The following TOPAZ1 variants were observed in gnomAD, a reference collection of about 807,000 sequenced individuals.
TOPAZ1 encodes the protein protein TOPAZ1.
A neutral mutation model predicts 172.2 loss-of-function variants in TOPAZ1; 66 were observed. That is an observed-to-expected ratio of 0.38 (90% CI 0.31 to 0.47). TOPAZ1 has a LOEUF of 0.47. Ranked by LOEUF, TOPAZ1 falls within the 20% of genes least tolerant of loss-of-function variation. The probability of loss-of-function intolerance (pLI) is 0.99; values close to 1 mark genes in which losing one functional copy is unlikely to be tolerated. For synonymous variants in TOPAZ1, 681 were observed against 683.9 expected (o/e 1.00, Z 0.07); for missense variants, 1,822 against 1,972.4 (o/e 0.92, Z 1.44).
At position 44,275,364 on chromosome 3, in the gene TOPAZ1, T is replaced by C. The variant is rs114062752; in HGVS notation, c.3372+4554T>C. Among the ~76,000 whole-genome samples, 510 of 152,186 alleles carry C rather than the reference T, an allele frequency of 3.4e-3. 7 individuals are homozygous for C. The highest frequency in any genetic ancestry group is 0.012 in the African/African-American group (489 of 41,454). The stretch of plus-strand genomic sequence containing the variant: ...TCTTTTTCCCCCTCCTACCTACACA[T>C]TCTTCCCAGCCTCTGTTTCTATCAT... On this transcript the variant is annotated intron_variant, in intron 8 of 19. Coordinates refer to ENST00000309765, the MANE Select transcript of TOPAZ1 (RefSeq NM_001145030.2).
At chr3:44,242,578 C>G (rs910595651) in intron 1 of TOPAZ1, among the ~76,000 whole-genome samples, 179 bp downstream of exon 1, 12 of 152,108 alleles carry the variant, frequency 7.9e-5, no homozygotes, top group Admixed American at 3.9e-4. Context: ...AATCCTTGGT[C>G]AGAATTATGA....
At chr3:44,245,785 C>T (rs1033333756) in intron 2 of TOPAZ1, among the ~76,000 whole-genome samples, 1 of 152,022 alleles carries the variant, frequency 6.6e-6, no homozygotes, top group African/African-American at 2.4e-5. Flanking sequence ...GTGATCCACC[C>T]GCCTCAGCCT....
At chr3:44,325,315 T>A (rs1488622) in intron 18 of TOPAZ1, among the ~76,000 whole-genome samples, 70,258 of 152,034 alleles carry the variant, frequency 0.46, 17,452 homozygotes, top group East Asian at 0.81. Flanking sequence ...TGACTTTTTT[T>A]AAACTTTTTT....
Position 44,241,959 on chromosome 3 carries a change from G to T in TOPAZ1, c.-95G>T. 8.4e-7 allele frequency: 1 copy of T among 1,195,006 alleles called. No homozygotes were observed. Among genetic ancestry groups the T allele is most frequent in the Non-Finnish European group, 1.2e-6 (1 of 858,040 alleles). The allele number at this position is 1,195,006 out of a possible 1,614,324, so 74.0% of individuals were successfully genotyped here. The stretch of plus-strand genomic sequence containing the variant: ...ACTGGCGGTGTGGGGTGGGTCAGAG[G>T]GCAGTAGGTACCTCCAGGCGGGAGC... On this transcript the variant is annotated 5_prime_UTR_variant, in exon 1 of 20. Coordinates refer to ENST00000309765, the MANE Select transcript of TOPAZ1 (RefSeq NM_001145030.2).
intron 17 of TOPAZ1, among the ~76,000 whole-genome samples, chr3:44,322,334 G>T (rs1700546489): frequency 6.6e-6 from 1 of 152,154 alleles, no homozygotes; most frequent in Admixed American, 6.5e-5. Context: ...ATTAGGGGAT[G>T]ATTTGTTTTT....
intron 5 of TOPAZ1, among the ~76,000 whole-genome samples, chr3:44,264,991 C>T (rs1292397618): frequency 6.6e-6 from 1 of 152,156 alleles, no homozygotes; most frequent in Non-Finnish European, 1.5e-5. Flanking sequence ...AGTGTTTAAC[C>T]CCTGAAAGTC....
In TOPAZ1 at chr3:44,243,622, A is replaced by G; in HGVS notation, c.1116A>G (p.Ala372=). 2 of 1,550,286 alleles carry G rather than the reference A, an allele frequency of 1.3e-6. No individual in the cohort carries two copies. The highest frequency in any genetic ancestry group is 1.7e-6 in the Non-Finnish European group (2 of 1,146,968). The change falls in exon 2 of 20, where the codon GCA becomes GCG. Residue 372 remains alanine (A), a synonymous_variant. Coordinates refer to ENST00000309765, the MANE Select transcript of TOPAZ1 (RefSeq NM_001145030.2). ...AAATGATTGCTGATGGTAAAGAAGC[A>G]GAGACTAAAAGTCCTTTAAATGTTT... ...ENQMIADGKE[A]ETKSPLNVLR...
At chr3:44,328,893 T>C (rs1700632657) in intron 19 of TOPAZ1, among the ~76,000 whole-genome samples, 2 of 152,192 alleles carry the variant, frequency 1.3e-5, no homozygotes, top group Admixed American at 1.3e-4. Flanking sequence ...TGCATAAATA[T>C]TATAAAGTAG....
chr3:44,310,060 C>T, intron 16 of TOPAZ1, 70 bp downstream of exon 16: 1 of 1,365,954 alleles, frequency 7.3e-7, no homozygotes, highest in Non-Finnish European at 9.9e-7. Flanking sequence ...TATGTAATTA[C>T]CTTAAGTTGA....
intron 2 of TOPAZ1, among the ~76,000 whole-genome samples, chr3:44,247,480 C>T (rs1163696624): frequency 6.6e-6 from 1 of 152,102 alleles, no homozygotes; most frequent in Admixed American, 6.5e-5. Flanking sequence ...CACTTTTTCT[C>T]CTAATATAGC....
At chr3:44,285,959 A>G (rs866988420) in intron 9 of TOPAZ1, among the ~76,000 whole-genome samples, 22 of 151,932 alleles carry the variant, frequency 1.4e-4, no homozygotes, top group African/African-American at 4.1e-4. Context: ...CTATAATTCC[A>G]GCACTTTGGG....
chr3:44,258,159 T>C (rs1437899094), intron 4 of TOPAZ1, among the ~76,000 whole-genome samples: 1 of 152,236 alleles, frequency 6.6e-6, no homozygotes, highest in Non-Finnish European at 1.5e-5. Context: ...GAAACCATTA[T>C]TATTTTCTAA....
intron 18 of TOPAZ1, among the ~76,000 whole-genome samples, chr3:44,326,870 T>C (rs1700606474): frequency 6.6e-6 from 1 of 152,028 alleles, no homozygotes; most frequent in Non-Finnish European, 1.5e-5. Flanking sequence ...AAAAAAAAAA[T>C]CGTATTAGTA....
At position 44,305,234 on chromosome 3, in the gene TOPAZ1, A is replaced by C; in HGVS notation, c.3952A>C (p.Thr1318Pro). Residue 1318 changes from threonine to proline, a missense_variant, in exon 14 of 20, where the codon ACA becomes CCA. Thr to Pro is a conservative substitution (Grantham distance 38). Coordinates refer to ENST00000309765, the MANE Select transcript of TOPAZ1 (RefSeq NM_001145030.2). The part of the protein sequence containing the change: ...MGCEKFADFQ[T>P]FCACIAETLT... ...CTGTGAAAAATTTGCAGATTTCCAG[A>C]CATTTTGTGCTTGCATTGCTGAAAC... is the stretch of plus-strand genomic sequence containing the variant. The C allele has an allele frequency of 1.3e-6, 2 of 1,549,086 alleles. No homozygotes were observed. The highest frequency in any genetic ancestry group is 1.7e-6 in the Non-Finnish European group (2 of 1,146,284).
chr3:44,265,324 G>A (rs938875938), intron 5 of TOPAZ1, among the ~76,000 whole-genome samples: 2 of 152,202 alleles, frequency 1.3e-5, no homozygotes, highest in Non-Finnish European at 2.9e-5. Context: ...CACTTCGGGA[G>A]GCCAAGGTGG....
intron 17 of TOPAZ1, among the ~76,000 whole-genome samples, chr3:44,322,505 T>C (rs1259228002): frequency 6.6e-6 from 1 of 152,232 alleles, no homozygotes; most frequent in African/African-American, 2.4e-5. Context: ...TTTTATCTTC[T>C]CTATTGCAAA....
downstream of TOPAZ1, among the ~76,000 whole-genome samples, chr3:44,333,290 G>A (rs1319397167): frequency 1.3e-5 from 2 of 152,130 alleles, no homozygotes; most frequent in African/African-American, 4.8e-5. Context: ...AATGGGATAT[G>A]GGGAAGTGAG....
At chr3:44,273,850 TATTA>T (rs1699923612) in intron 8 of TOPAZ1, among the ~76,000 whole-genome samples, 1 of 152,178 alleles carries the variant, frequency 6.6e-6, no homozygotes, top group African/African-American at 2.4e-5. Context: ...ATAGGCAAAT[TATTA>T]ATTCAAACAA....
intron 15 of TOPAZ1, among the ~76,000 whole-genome samples, 162 bp downstream of exon 15, chr3:44,306,588 A>G (rs1414251481): frequency 6.6e-6 from 1 of 152,204 alleles, no homozygotes; most frequent in African/African-American, 2.4e-5. Flanking sequence ...TGGTATATTA[A>G]GCAAATGGCT....
Sources: gnomAD v4.1 joint callset for allele counts (sites outside exome capture counted in the v4.1 genomes callset) on GRCh38, gnomAD v4.1.1 for gene constraint, MANE v1.5 for transcripts, NCBI Gene and HGNC (gene_info 2026-07-23, HGNC 2026-07-21) for gene names.